Variants in DNAH11 observed in about 807,000 individuals in gnomAD.
DNAH11 encodes dynein axonemal heavy chain 11.
A neutral mutation model predicts 526.0 loss-of-function variants in DNAH11; 442 were observed. That is an observed-to-expected ratio of 0.84 (90% CI 0.78 to 0.91). DNAH11 has a LOEUF of 0.91. DNAH11 is among the 40% of genes least tolerant of loss of function. The pLI is 0.00. For missense variants in DNAH11, 6,989 were observed against 5,448.7 expected (o/e 1.28, Z -8.90); for synonymous variants, 2,461 against 1,935.9 (o/e 1.27, Z -7.12).
intron 79 of DNAH11, among the ~76,000 whole-genome samples, chr7:21,898,310 T>C (rs950962245): frequency 6.6e-6 from 1 of 152,220 alleles, no homozygotes; most frequent in Non-Finnish European, 1.5e-5. Context: ...GAACTTAATA[T>C]AGGTCCGGGC....
chr7:21,652,034 A>C (rs1213882547), intron 28 of DNAH11, among the ~76,000 whole-genome samples: 3 of 152,246 alleles, frequency 2.0e-5, no homozygotes, highest in Non-Finnish European at 4.4e-5. Flanking sequence ...CAAAGTTGGA[A>C]GTGTAGCAAA....
chr7:21,558,320 A>G (rs1011122268), intron 2 of DNAH11, among the ~76,000 whole-genome samples: 3 of 152,194 alleles, frequency 2.0e-5, no homozygotes, highest in African/African-American at 2.4e-5. Flanking sequence ...GTTTCATGGT[A>G]GAAGGAGTTC....
intron 79 of DNAH11, among the ~76,000 whole-genome samples, chr7:21,897,601 A>G (rs1270016304): frequency 1.4e-5 from 2 of 141,514 alleles, no homozygotes; most frequent in Non-Finnish European, 3.1e-5. Context: ...ATAATTTAGG[A>G]AAACTCAAAT....
In DNAH11 at chr7:21,606,686, G is replaced by A. The variant is rs1299239353; in HGVS notation, c.3805G>A (p.Ala1269Thr). 23 of 1,588,722 alleles carry A rather than the reference G, an allele frequency of 1.4e-5. No homozygotes were observed. The highest frequency in any genetic ancestry group is 1.9e-5 in the Non-Finnish European group (22 of 1,170,936). The stretch of plus-strand genomic sequence containing the variant: ...GTTCAGAGAGAGATTCAGACACTAT[G>A]CCCCTCTTGGATTTAATGCAGAAAA... ...AEFRERFRHYAPLGFNAENPY... is the reference protein window; with the variant it reads ...AEFRERFRHYTPLGFNAENPY... Residue 1269 changes from alanine to threonine, a missense_variant, in exon 20 of 82, where the codon GCC becomes ACC. Ala to Thr is a moderately conservative substitution (Grantham distance 58). Coordinates refer to ENST00000409508, the MANE Select transcript of DNAH11 (RefSeq NM_001277115.2).
intron 2 of DNAH11, among the ~76,000 whole-genome samples, chr7:21,546,203 CTCT>C (rs140258482): frequency 0.072 from 10,958 of 152,166 alleles, 622 homozygotes; most frequent in African/African-American, 0.15. Context: ...CTTTTTGAGT[CTCT>C]TCTTCTGTCT....
rs79120016 is a variant in DNAH11, at chr7:21,631,676, G to C, written c.4501-4195G>C. On this transcript the variant is annotated intron_variant, in intron 25 of 81. Coordinates refer to ENST00000409508, the MANE Select transcript of DNAH11 (RefSeq NM_001277115.2). The stretch of plus-strand genomic sequence containing the variant: ...TGTTTCACATCCAGGTCACGCTGAT[G>C]CAAGAGGTGGGTTCCCACAGTCTTG... Among the ~76,000 whole-genome samples the C allele has an allele frequency of 2.6e-3, 393 of 152,318 alleles. 1 individual carries two copies. Among genetic ancestry groups the C allele is most frequent in the African/African-American group, 8.9e-3 (369 of 41,580 alleles).
In DNAH11 at chr7:21,765,642, A is replaced by G. The variant is rs1234425370; in HGVS notation, c.9102+53A>G. On this transcript the variant is annotated intron_variant, in intron 55 of 81. Coordinates refer to ENST00000409508, the MANE Select transcript of DNAH11 (RefSeq NM_001277115.2). Reference sequence around the variant, plus strand: ...CACACACACACACACACACACACACACACACACACACACACACTCTGAAAA... The same window carrying G: ...CACACACACACACACACACACACACGCACACACACACACACACTCTGAAAA... The G allele has an allele frequency of 2.7e-6, 3 of 1,113,842 alleles. No homozygotes were observed. In the African/African-American group the frequency reaches 5.6e-5, roughly 21 times the overall value. 69.0% of individuals were successfully genotyped at this position (1,113,842 alleles called of 1,614,324 possible). A position where few individuals can be genotyped will look rare whatever the true frequency, so the allele number is the denominator to read the frequency against.
At position 21,593,620 on chromosome 7, in the gene DNAH11, G is replaced by A. The variant is rs180907410; in HGVS notation, c.2667+2043G>A. On this transcript the variant is annotated intron_variant, in intron 14 of 81. Coordinates refer to ENST00000409508, the MANE Select transcript of DNAH11 (RefSeq NM_001277115.2). ...AGAAGGTGTCTTTAGACAGGAGCGC[G>A]GAGCATTCATCTGTAGTACAGGATG... Among the ~76,000 whole-genome samples the A allele has an allele frequency of 5.5e-4, 84 of 152,194 alleles. 1 individual carries two copies. The highest frequency in any genetic ancestry group is 1.4e-3 in the African/African-American group (59 of 41,532).
At chr7:21,583,746 A>C (rs1472694654) in intron 9 of DNAH11, among the ~76,000 whole-genome samples, 2 of 150,754 alleles carry the variant, frequency 1.3e-5, no homozygotes, top group African/African-American at 2.4e-5. Flanking sequence ...AGAAAAAAAC[A>C]ACCCCATCAA....
At chr7:21,648,054 A>G (rs188308863) in intron 28 of DNAH11, among the ~76,000 whole-genome samples, 15 of 152,308 alleles carry the variant, frequency 9.8e-5, no homozygotes, top group African/African-American at 2.2e-4. Flanking sequence ...TACCAAAAAC[A>G]TAGAAACATT....
intron 44 of DNAH11, among the ~76,000 whole-genome samples, chr7:21,725,031 C>G (rs1364291390): frequency 2.1e-5 from 1 of 48,766 alleles, no homozygotes; most frequent in African/African-American, 8.1e-5. Flanking sequence ...AGTTGTTGCT[C>G]ACAGTTGTCC....
chr7:21,750,116 A>G lies in DNAH11; in HGVS notation c.8798-106A>G, dbSNP rs1786346692. On this transcript the variant is annotated intron_variant, in intron 53 of 81. Coordinates refer to ENST00000409508, the MANE Select transcript of DNAH11 (RefSeq NM_001277115.2). The stretch of plus-strand genomic sequence containing the variant: ...ACGTTTCTGATTTTAAACTCTTACC[A>G]TTTATGCTGAACTTTGTCTTGTAAA... 2.2e-6 allele frequency: 3 copies of G among 1,369,416 alleles called. No individual in the cohort carries two copies. The African/African-American group carries it at 4.4e-5, about 20-fold the overall frequency. The allele number at this position is 1,369,416 out of a possible 1,614,324, so 84.8% of individuals were successfully genotyped here.
At position 21,661,353 on chromosome 7, in the gene DNAH11, T is replaced by C. The variant is rs543362659; in HGVS notation, c.5328+2322T>C. Among the ~76,000 whole-genome samples the C allele has an allele frequency of 3.3e-5, 5 of 152,180 alleles. No homozygotes were observed. The East Asian group carries it at 7.7e-4, about 23-fold the overall frequency. ...GAATATATTTTAGGAGTTTGTGCAG[T>C]GGTGAATTGTTACAGGAAAATTTCT... is the stretch of plus-strand genomic sequence containing the variant. On this transcript the variant is annotated intron_variant, in intron 30 of 81. Transcript: ENST00000409508.
intron 4 of DNAH11, among the ~76,000 whole-genome samples, chr7:21,560,116 C>G (rs1211031114): frequency 2.0e-5 from 3 of 152,078 alleles, no homozygotes; most frequent in Non-Finnish European, 4.4e-5. Context: ...TGAGGTCTTG[C>G]TTGGTAGAGA....
intron 65 of DNAH11, among the ~76,000 whole-genome samples, chr7:21,831,697 A>G (rs772936042): frequency 1.3e-5 from 2 of 152,186 alleles, no homozygotes; most frequent in African/African-American, 2.4e-5. Flanking sequence ...ATGCTTCAGG[A>G]TATACATAGA....
intron 30 of DNAH11, among the ~76,000 whole-genome samples, chr7:21,664,923 C>T (rs1049193001): frequency 2.6e-5 from 4 of 152,114 alleles, no homozygotes; most frequent in African/African-American, 9.7e-5. Flanking sequence ...GGGAACATTT[C>T]TGTCCCCATG....
At position 21,655,635 on chromosome 7, in the gene DNAH11, C is replaced by T. The variant is rs374685164; in HGVS notation, c.4945-197C>T. 9.9e-5 allele frequency among the ~76,000 whole-genome samples: 15 copies of T among 152,092 alleles called. No homozygotes were observed. The South Asian group carries it at 2.7e-3, about 27-fold the overall frequency. On this transcript the variant is annotated intron_variant, in intron 28 of 81. Transcript: ENST00000409508. ...ATCAGCCAGTATGTGATGATTTGAC[C>T]AGAGTGACTGGCCACTTCACCACCA...
At chr7:21,803,625 G>A (rs1296624938) in intron 62 of DNAH11, among the ~76,000 whole-genome samples, 1 of 151,576 alleles carries the variant, frequency 6.6e-6, no homozygotes, top group Admixed American at 6.6e-5. Context: ...GTCTGGAAAA[G>A]TGGGGAATGG....
At chr7:21,713,600 A>G (rs1045621480) in intron 42 of DNAH11, among the ~76,000 whole-genome samples, 6 of 151,546 alleles carry the variant, frequency 4.0e-5, no homozygotes, top group African/African-American at 1.5e-4. Context: ...CATTTCCTCT[A>G]CTTCTTGCCC....
Sources: gnomAD v4.1 joint callset for allele counts (sites outside exome capture counted in the v4.1 genomes callset) on GRCh38, gnomAD v4.1.1 for gene constraint, MANE v1.5 for transcripts, NCBI Gene and HGNC (gene_info 2026-07-23, HGNC 2026-07-21) for gene names.